The following CACNA1C variants were observed in gnomAD, a reference collection of about 807,000 sequenced individuals.
CACNA1C encodes the protein voltage-dependent L-type calcium channel subunit alpha-1C.
In CACNA1C, 30 loss-of-function variants were observed where a neutral mutation model predicts 229.0. That is an observed-to-expected ratio of 0.13 (90% CI 0.10 to 0.18). CACNA1C has a LOEUF of 0.18. CACNA1C is among the 10% of genes least tolerant of loss of function. CACNA1C has a pLI of 1.00. For synonymous variants in CACNA1C, 1,114 were observed against 1,132.5 expected, an observed-to-expected ratio of 0.98 and a Z score of 0.33; for missense variants, 1,658 against 2,845.0, an observed-to-expected ratio of 0.58 and a Z score of 9.49.
chr12:2,306,446 A>T (rs952891968), intron 3 of CACNA1C, among the ~76,000 whole-genome samples: 2 of 152,204 alleles, frequency 1.3e-5, no homozygotes, highest in Non-Finnish European at 2.9e-5. Flanking sequence ...CCTCATAGCT[A>T]GTTTGAATCC....
At chr12:2,158,376 G>A (rs1459220947) in intron 3 of CACNA1C, among the ~76,000 whole-genome samples, 3 of 152,126 alleles carry the variant, frequency 2.0e-5, no homozygotes, top group Non-Finnish European at 4.4e-5. Flanking sequence ...AGGAGTTCGA[G>A]ACCAGCCTGG....
intron 3 of CACNA1C, among the ~76,000 whole-genome samples, chr12:2,435,675 G>A (rs1018208198): frequency 1.3e-5 from 2 of 152,214 alleles, no homozygotes; most frequent in Non-Finnish European, 2.9e-5. Flanking sequence ...ACTGGAGGGA[G>A]GCCGTGGCTG....
intron 9 of CACNA1C, among the ~76,000 whole-genome samples, chr12:2,542,942 A>G (rs1456607085): frequency 6.6e-6 from 1 of 152,182 alleles, no homozygotes; most frequent in Non-Finnish European, 1.5e-5. Context: ...TAAAAATGCA[A>G]TGATGTTAGC....
At chr12:2,118,975 C>T (rs2085256935) in intron 2 of CACNA1C, among the ~76,000 whole-genome samples, 1 of 152,184 alleles carries the variant, frequency 6.6e-6, no homozygotes, top group African/African-American at 2.4e-5. Context: ...GAGACTAGTG[C>T]TAAGATAATC....
In CACNA1C at chr12:2,285,114, ACT is replaced by A. The variant is rs1454247362; in HGVS notation, c.478-163860_478-163859del. Reference sequence around the variant, plus strand: ...CGCTAAGTGCTGACGGCAGCCTGTCACTCACACCTTGCTCCCTCTGTAGAAAC... The same window carrying A: ...CGCTAAGTGCTGACGGCAGCCTGTCACACACCTTGCTCCCTCTGTAGAAAC... On this transcript the variant is annotated intron_variant, in intron 3 of 46. Coordinates refer to ENST00000399655, the MANE Select transcript of CACNA1C (RefSeq NM_000719.7). The surrounding 1 kb of genome is among the most constrained non-coding windows in gnomAD (Gnocchi z 4.2). 1.3e-5 allele frequency among the ~76,000 whole-genome samples: 2 copies of A among 151,942 alleles called. No homozygotes were observed. Among genetic ancestry groups the A allele is most frequent in the East Asian group, 3.9e-4 (2 of 5,178 alleles).
intron 30 of CACNA1C, chr12:2,641,729 A>C (rs2093718475): frequency 1.4e-6 from 1 of 702,424 alleles, no homozygotes; most frequent in African/African-American, 1.7e-5. Flanking sequence ...GCGATGCTCA[A>C]CCTGCAGGTG....
rs1187684223 is a variant in CACNA1C, at chr12:2,697,854, G to A, written c.*6655G>A. On this transcript the variant is annotated 3_prime_UTR_variant, in exon 47 of 47. Coordinates refer to ENST00000399655, the MANE Select transcript of CACNA1C (RefSeq NM_000719.7). ...GTGTGAGACACTATTGTATATTCCT[G>A]TAAGATTGCATTTTTATCTAAGGAA... is the stretch of plus-strand genomic sequence containing the variant. 1 of 152,554 alleles carries A rather than the reference G, an allele frequency of 6.6e-6. No individual in the cohort carries two copies. Among genetic ancestry groups the A allele is most frequent in the Non-Finnish European group, 1.5e-5 (1 of 68,024 alleles). The allele number at this position is 152,554 out of a possible 1,614,324, so 9.5% of individuals were successfully genotyped here.
chr12:2,360,744 G>A (rs1035262492), intron 3 of CACNA1C, among the ~76,000 whole-genome samples: 14 of 152,322 alleles, frequency 9.2e-5, no homozygotes, highest in Middle Eastern at 3.4e-3. Flanking sequence ...CTACCTTTCT[G>A]TCTCTACTGG....
chr12:1,987,904 T>G (rs1244427923), intron 1 of CACNA1C, among the ~76,000 whole-genome samples: 1 of 152,208 alleles, frequency 6.6e-6, no homozygotes, highest in Non-Finnish European at 1.5e-5. Flanking sequence ...TTTTCAATGC[T>G]CCTCATATCA....
rs1271883397 is a variant in CACNA1C, at chr12:2,067,504, G to A, written c.49+13893G>A. Among the ~76,000 whole-genome samples, 1 of 151,956 alleles carries A rather than the reference G, an allele frequency of 6.6e-6. No individual in the cohort carries two copies. Among genetic ancestry groups the A allele is most frequent in the Non-Finnish European group, 1.5e-5 (1 of 67,956 alleles). The stretch of plus-strand genomic sequence containing the variant: ...TGTGCGCGCGTGTGCGTGCCTGTAT[G>A]TAAGGGCAGGCACATGAAGACAGAC... On this transcript the variant is annotated intron_variant, in intron 1 of 46. Coordinates refer to ENST00000399655, the MANE Select transcript of CACNA1C (RefSeq NM_000719.7). This position sits in a 1 kb window ranked among gnomAD's most constrained non-coding sequence, Gnocchi z 5.3.
intron 34 of CACNA1C, among the ~76,000 whole-genome samples, chr12:2,658,983 T>A (rs1042187770): frequency 1.3e-5 from 2 of 152,220 alleles, no homozygotes; most frequent in African/African-American, 2.4e-5. Flanking sequence ...TTAAAAAAAA[T>A]TTAAAAGTTT....
intron 3 of CACNA1C, among the ~76,000 whole-genome samples, chr12:2,160,169 TTC>T (rs1272087804): frequency 6.6e-6 from 1 of 152,208 alleles, no homozygotes; most frequent in Non-Finnish European, 1.5e-5. Context: ...TACTTAATGC[TTC>T]TCTCATGCTC....
At chr12:2,302,168 A>C (rs1249391276) in intron 3 of CACNA1C, among the ~76,000 whole-genome samples, 1 of 152,128 alleles carries the variant, frequency 6.6e-6, no homozygotes, top group Non-Finnish European at 1.5e-5. Context: ...CCACTCAGTG[A>C]GCCTCGCACA....
chr12:2,518,057 A>T (rs1310876284), intron 9 of CACNA1C, among the ~76,000 whole-genome samples: 1 of 152,230 alleles, frequency 6.6e-6, no homozygotes, highest in East Asian at 1.9e-4. Flanking sequence ...GCAGGATTAA[A>T]TATTTACCCC....
At chr12:2,206,569 A>G (rs571110837) in intron 3 of CACNA1C, among the ~76,000 whole-genome samples, 13 of 152,344 alleles carry the variant, frequency 8.5e-5, no homozygotes, top group East Asian at 3.9e-4. Flanking sequence ...TGAATATTCA[A>G]TGAGATGATG....
intron 7 of CACNA1C, among the ~76,000 whole-genome samples, chr12:2,495,780 TTG>T (rs1221942926): frequency 6.6e-6 from 1 of 152,150 alleles, no homozygotes; most frequent in Non-Finnish European, 1.5e-5. Flanking sequence ...AATGGCCATG[TTG>T]TGTGTGTGTG....
At position 2,060,218 on chromosome 12, in the gene CACNA1C, C is replaced by T. The variant is rs188462051; in HGVS notation, c.49+6607C>T. Among the ~76,000 whole-genome samples, 810 of 152,210 alleles carry T rather than the reference C, an allele frequency of 5.3e-3. 10 individuals are homozygous for T. Among genetic ancestry groups the T allele is most frequent in the African/African-American group, 0.018 (741 of 41,532 alleles). Reference sequence around the variant, plus strand: ...CGAGAGTGGGATGGGGATGGGAAGCCGGGCTGTGCTGTGGGACTTCCCTGG... The same window carrying T: ...CGAGAGTGGGATGGGGATGGGAAGCTGGGCTGTGCTGTGGGACTTCCCTGG... On this transcript the variant is annotated intron_variant, in intron 1 of 46. Coordinates refer to ENST00000399655, the MANE Select transcript of CACNA1C (RefSeq NM_000719.7).
intron 1 of CACNA1C, among the ~76,000 whole-genome samples, chr12:1,995,968 C>T (rs1397519142): frequency 6.6e-6 from 1 of 152,226 alleles, no homozygotes; most frequent in African/African-American, 2.4e-5. Flanking sequence ...AGGGCTGATC[C>T]TCAAGCCACA....
chr12:2,626,227 CTG>C (rs1000771243), intron 29 of CACNA1C, among the ~76,000 whole-genome samples: 1 of 152,250 alleles, frequency 6.6e-6, no homozygotes, highest in Non-Finnish European at 1.5e-5. Context: ...CCTGGCGTAC[CTG>C]TGCTCTCTCC....
Sources: allele counts gnomAD v4.1 joint callset (sites outside exome capture counted in the v4.1 genomes callset), GRCh38; gene constraint gnomAD v4.1.1; non-coding constraint Gnocchi (gnomAD v3.1); transcripts MANE v1.5; gene names NCBI Gene and HGNC (gene_info 2026-07-23, HGNC 2026-07-21).